ZNF454: variants seen among roughly 807,000 people sequenced by gnomAD.
The protein encoded by ZNF454 is zinc finger protein 454.
Under a neutral mutation model 48.2 loss-of-function variants are expected in ZNF454, and 30 were observed. The ratio of observed to expected loss-of-function variants is 0.62; its 90% confidence interval spans 0.47 to 0.84. ZNF454 has a LOEUF of 0.84. Among genes scored for constraint, ZNF454 ranks in the 40% least tolerant of loss-of-function variants. The pLI, the probability that ZNF454 is intolerant of heterozygous loss-of-function variation, is 0.00. For synonymous variants in ZNF454, 204 were observed against 211.4 expected (o/e 0.97, Z 0.30); for missense variants, 510 against 623.1 (o/e 0.82, Z 1.93).
At chr5:178,953,580 T>A (rs1425312764) in intron 4 of ZNF454, among the ~76,000 whole-genome samples, 1 of 152,136 alleles carries the variant, frequency 6.6e-6, no homozygotes, top group Admixed American at 6.5e-5. Flanking sequence ...CTCCTTTTGG[T>A]GGCATACATC....
In ZNF454 at chr5:178,965,248, A is replaced by T. The variant is rs761185368; in HGVS notation, c.844A>T (p.Ile282Phe). Residue 282 changes from isoleucine to phenylalanine, a missense_variant, in exon 5 of 5, where the codon ATC (isoleucine) becomes TTC (phenylalanine). Transcript: ENST00000519564. The surrounding 1 kb of genome is among the most constrained non-coding windows in gnomAD (Gnocchi z 5.2). ...FECNLCGKAF[I>F]RNIHLAHHHR... ...ATGCAACTTATGTGGAAAAGCTTTT[A>T]TCCGAAATATACACCTTGCCCATCA... 6.8e-5 allele frequency: 110 copies of T among 1,614,194 alleles called. 1 individual carries two copies. The South Asian group carries it at 1.0e-3, about 15-fold the overall frequency.
At chr5:178,955,491 T>A (rs900142580) in intron 4 of ZNF454, among the ~76,000 whole-genome samples, 3 of 152,254 alleles carry the variant, frequency 2.0e-5, no homozygotes, top group Admixed American at 1.3e-4. Context: ...CATTGGTTTT[T>A]AAGGACCAAG....
At position 178,946,856 on chromosome 5, in the gene ZNF454, A is replaced by G. The variant is rs778416092; in HGVS notation, c.161-41A>G. Reference sequence around the variant, plus strand: ...CTTTGCAGTGATTTTTATCTCTCGTATAAACAGATGTGGTTCATTTTTGTC... The same window carrying G: ...CTTTGCAGTGATTTTTATCTCTCGTGTAAACAGATGTGGTTCATTTTTGTC... On this transcript the variant is annotated intron_variant, in intron 3 of 4. Transcript: ENST00000519564. This position sits in a 1 kb window ranked among gnomAD's most constrained non-coding sequence, Gnocchi z 4.5. 12 of 1,559,462 alleles carry G rather than the reference A, an allele frequency of 7.7e-6. No homozygotes were observed. The highest frequency in any genetic ancestry group is 1.7e-4 in the Middle Eastern group (1 of 5,938).
intron 4 of ZNF454, among the ~76,000 whole-genome samples, chr5:178,948,486 T>C (rs1274667818): frequency 2.0e-5 from 3 of 152,338 alleles, no homozygotes; most frequent in Admixed American, 6.5e-5. Flanking sequence ...TAATTCTTCA[T>C]TGCACCCTTG....
intron 4 of ZNF454, among the ~76,000 whole-genome samples, chr5:178,958,914 GCAGAATCTTGT>G (rs1402181157): frequency 1.3e-5 from 2 of 152,124 alleles, no homozygotes; most frequent in Non-Finnish European, 2.9e-5. Context: ...TATTTGAAAT[GCAGAATCTTGT>G]CATATATATG....
At chr5:178,977,650 A>C in the ZNF454 span, among the ~76,000 whole-genome samples, 1 of 151,214 alleles carries the variant, frequency 6.6e-6, no homozygotes, top group Non-Finnish European at 1.5e-5. Flanking sequence ...ACTCACAGAA[A>C]CCTCCGCCTC....
chr5:178,948,488 G>A (rs1338530818), intron 4 of ZNF454, among the ~76,000 whole-genome samples: 3 of 152,090 alleles, frequency 2.0e-5, no homozygotes, highest in Admixed American at 2.0e-4. Flanking sequence ...ATTCTTCATT[G>A]CACCCTTGAG....
the ZNF454 span, among the ~76,000 whole-genome samples, chr5:178,984,437 C>A: frequency 0.061 from 9,276 of 152,306 alleles, 385 homozygotes; most frequent in Non-Finnish European, 0.089. Context: ...TGCCATTTTG[C>A]AGCCCGTCAT....
chr5:178,976,897 T>C, the ZNF454 span, among the ~76,000 whole-genome samples: 1 of 152,194 alleles, frequency 6.6e-6, no homozygotes, highest in Admixed American at 6.5e-5. Flanking sequence ...ATTTGAGAGC[T>C]CTGATCAGAC....
In ZNF454 at chr5:178,965,713, GA is replaced by G. The variant is rs778341937; in HGVS notation, c.1314del (p.Lys438AsnfsTer46). The G allele has an allele frequency of 1.9e-6, 3 of 1,614,032 alleles. No individual in the cohort carries two copies. Among genetic ancestry groups the G allele is most frequent in the African/African-American group, 2.7e-5 (2 of 74,910 alleles). On this transcript the variant is annotated frameshift_variant, in exon 5 of 5. Transcript: ENST00000519564. LOFTEE classifies it high-confidence loss of function. The surrounding 1 kb of genome is among the most constrained non-coding windows in gnomAD (Gnocchi z 5.2). ...CCAACATCAGAGAATTCATACTGGG[GA>G]AAAACCTTATACATGTAACATATGT... is the stretch of plus-strand genomic sequence containing the variant. ...LAQHQRIHTG[E>X]KPYTCNICEK...
At chr5:178,982,512 G>A in the ZNF454 span, among the ~76,000 whole-genome samples, 1 of 146,072 alleles carries the variant, frequency 6.8e-6, no homozygotes, top group Non-Finnish European at 1.5e-5. Context: ...AGGAGGCGGA[G>A]CTTGCAGTGA....
intron 1 of ZNF454, chr5:178,942,417 C>T (rs1241737729): frequency 5.3e-6 from 1 of 188,250 alleles, no homozygotes; most frequent in Non-Finnish European, 1.1e-5. Flanking sequence ...AACAAACAAA[C>T]AAAAAAAGAA....
At chr5:178,988,974 G>A in the ZNF454 span, 62 of 1,613,738 alleles carry the variant, frequency 3.8e-5, no homozygotes, top group African/African-American at 4.0e-4. The surrounding 1 kb of genome is among the most constrained non-coding windows in gnomAD (Gnocchi z 6.0). Flanking sequence ...AGAAGCATCC[G>A]CCCATCAGTG....
the ZNF454 span, chr5:178,988,827 C>T: frequency 1.1e-6 from 1 of 872,220 alleles, no homozygotes; most frequent in Admixed American, 2.1e-5. The surrounding 1 kb of genome is among the most constrained non-coding windows in gnomAD (Gnocchi z 6.0). Context: ...CCCATTAGAC[C>T]ACTCAGCCTC....
chr5:178,949,656 C>A (rs1336971615), intron 4 of ZNF454, among the ~76,000 whole-genome samples: 1 of 151,470 alleles, frequency 6.6e-6, no homozygotes, highest in Non-Finnish European at 1.5e-5. Flanking sequence ...CTCGTTCTGT[C>A]ACCAGGCTGG....
At chr5:178,962,913 T>C (rs1457500525) in intron 4 of ZNF454, among the ~76,000 whole-genome samples, 1 of 151,748 alleles carries the variant, frequency 6.6e-6, no homozygotes, top group Non-Finnish European at 1.5e-5. Context: ...TAAAGCTATG[T>C]CAACTGCTCA....
At chr5:178,976,179 T>C in the ZNF454 span, 1 of 440,064 alleles carries the variant, frequency 2.3e-6, no homozygotes, top group African/African-American at 2.0e-5. Context: ...AAGCCTGTAC[T>C]GGATTGCCCT....
intron 4 of ZNF454, among the ~76,000 whole-genome samples, chr5:178,964,210 T>C (rs1399912567): frequency 6.6e-6 from 1 of 151,392 alleles, no homozygotes; most frequent in Non-Finnish European, 1.5e-5. Context: ...AAGCTCCGCC[T>C]CCCGGGTTCA....
chr5:178,967,830 C>T (rs1223698418), downstream of ZNF454, among the ~76,000 whole-genome samples: 1 of 146,572 alleles, frequency 6.8e-6, no homozygotes, highest in Non-Finnish European at 1.5e-5. Context: ...ACTTCCACCT[C>T]CTGGGTTCAA....
Sources: gnomAD v4.1 joint callset for allele counts (sites outside exome capture counted in the v4.1 genomes callset) on GRCh38, gnomAD v4.1.1 for gene constraint, Gnocchi (gnomAD v3.1) non-coding constraint, MANE v1.5 for transcripts, NCBI Gene and HGNC (gene_info 2026-07-23, HGNC 2026-07-21) for gene names.